Variants in NFASC observed in about 807,000 individuals in gnomAD.
NFASC encodes the protein neurofascin homolog.
NFASC carries 43 observed loss-of-function variants against 147.5 expected under a neutral mutation model. The ratio of observed to expected loss-of-function variants is 0.29; its 90% CI spans 0.23 to 0.38. The LOEUF (loss-of-function observed/expected upper bound fraction) is 0.38, where lower values mean the gene tolerates loss of function less well. Among genes scored for constraint, NFASC ranks in the 10% least tolerant of loss-of-function variants. The pLI is 1.00. For synonymous variants in NFASC, 622 were observed against 665.5 expected (o/e 0.93, Z 1.01); for missense variants, 1,320 against 1,689.0 (o/e 0.78, Z 3.83).
Position 204,969,299 on chromosome 1 carries a change from C to T in NFASC, c.1003+317C>T, listed in dbSNP as rs374750990. Among the ~76,000 whole-genome samples, 68 of 152,202 alleles carry T rather than the reference C, an allele frequency of 4.5e-4. 2 individuals are homozygous for T. The South Asian group carries it at 0.013, about 30-fold the overall frequency. ...CATTCCCAGAGCCTTTTTTTCCTTTCGTTTTGCATTCCCGTTTGTGATGTG... is the reference window on the plus strand; with the variant it reads ...CATTCCCAGAGCCTTTTTTTCCTTTTGTTTTGCATTCCCGTTTGTGATGTG... On this transcript the variant is annotated intron_variant, in intron 10 of 29. Coordinates refer to ENST00000339876, the MANE Select transcript of NFASC (RefSeq NM_001005388.3).
At chr1:204,989,552 CGAG>C (rs1164397192) in intron 23 of NFASC, 3 of 152,122 alleles carry the variant, frequency 2.0e-5, no homozygotes, top group Non-Finnish European at 4.4e-5. Context: ...TGGGACCTCT[CGAG>C]GAGGCAAGGC....
intron 1 of NFASC, among the ~76,000 whole-genome samples, chr1:204,904,708 A>T (rs2085402768): frequency 6.6e-6 from 1 of 152,198 alleles, no homozygotes; most frequent in African/African-American, 2.4e-5. Flanking sequence ...TAGATAATCT[A>T]GGTTTCCTTT....
chr1:204,975,122 C>A lies in NFASC; in HGVS notation c.1559-149C>A. The A allele has an allele frequency of 1.2e-6, 1 of 860,536 alleles. No homozygotes were observed. Among genetic ancestry groups the A allele is most frequent in the Non-Finnish European group, 1.8e-6 (1 of 565,512 alleles). 53.3% of individuals were successfully genotyped at this position (860,536 alleles called of 1,614,324 possible). A position where few individuals can be genotyped will look rare whatever the true frequency, so the allele number is the denominator to read the frequency against. On this transcript the variant is annotated intron_variant, in intron 14 of 29. Transcript: ENST00000339876. The surrounding 1 kb of genome is among the most constrained non-coding windows in gnomAD (Gnocchi z 4.0). ...TGCTTTGGGGATTACCCACCCAGAA[C>A]TCTGCTCCGTTCATACCATAGCATA...
intron 1 of NFASC, among the ~76,000 whole-genome samples, chr1:204,840,956 C>T (rs1038669896): frequency 2.0e-5 from 3 of 152,144 alleles, no homozygotes; most frequent in Middle Eastern, 3.2e-3. Flanking sequence ...TTTAAGTAAT[C>T]GTAGAGAAGT....
At chr1:205,009,119 G>T (rs1411119768) in intron 27 of NFASC, 1 of 276,662 alleles carries the variant, frequency 3.6e-6, no homozygotes, top group Non-Finnish European at 7.1e-6. Flanking sequence ...CGTGGCCACG[G>T]CCTGCACTCC....
chr1:204,993,740 C>A (rs762773583), intron 24 of NFASC: 4 of 515,940 alleles, frequency 7.8e-6, no homozygotes, highest in South Asian at 4.2e-5. Context: ...GCTCCTATTG[C>A]GGCAGGAAAT....
Position 204,926,320 on chromosome 1 carries a change from A to G in NFASC, c.-91+5580A>G, listed in dbSNP as rs139441343. Among the ~76,000 whole-genome samples the G allele has an allele frequency of 1.0e-4, 15 of 147,582 alleles. No individual in the cohort carries two copies. In the East Asian group the frequency reaches 3.0e-3, roughly 30 times the overall value. ...GTAAATTTATCCATTTTCCTTTTCAAAGTATCACAGTTTTTTTTCTAACAA... is the reference window on the plus strand; with the variant it reads ...GTAAATTTATCCATTTTCCTTTTCAGAGTATCACAGTTTTTTTTCTAACAA... On this transcript the variant is annotated intron_variant, in intron 2 of 29. Transcript: ENST00000339876.
intron 27 of NFASC, among the ~76,000 whole-genome samples, chr1:205,005,463 ACGAGAGGATGCTGTT>A (rs1459086392): frequency 6.6e-6 from 1 of 152,174 alleles, no homozygotes; most frequent in African/African-American, 2.4e-5. Flanking sequence ...TGGGGGCCGG[ACGAGAGGATGCTGTT>A]CTGGCTCCCG....
intron 1 of NFASC, among the ~76,000 whole-genome samples, chr1:204,845,112 G>C (rs1036637373): frequency 2.6e-5 from 4 of 152,092 alleles, no homozygotes; most frequent in Non-Finnish European, 4.4e-5. Flanking sequence ...GTGTTTTACT[G>C]TCCACTCTTT....
At position 204,979,628 on chromosome 1, in the gene NFASC, C is replaced by G. The variant is rs567013140; in HGVS notation, c.2176+69C>G. On this transcript the variant is annotated intron_variant, in intron 19 of 29. Transcript: ENST00000339876. The surrounding 1 kb of genome is among the most constrained non-coding windows in gnomAD (Gnocchi z 6.0). ...CCCCAAACTCACACTGAGATCCCCC[C>G]ATTCCCAGCCATGTGAACTTAGGTT... The G allele has an allele frequency of 3.0e-4, 427 of 1,411,190 alleles. 9 individuals carry two copies. In the East Asian group the frequency reaches 6.9e-3, roughly 23 times the overall value. 87.4% of individuals were successfully genotyped at this position (1,411,190 alleles called of 1,614,324 possible).
chr1:204,947,172 C>G (rs947827377), intron 3 of NFASC: 1 of 223,242 alleles, frequency 4.5e-6, no homozygotes, highest in Non-Finnish European at 9.2e-6. Context: ...TGGTCTGAGC[C>G]CATAAAGACT....
chr1:205,000,937 T>TC, intron 25 of NFASC: 2 of 574,260 alleles, frequency 3.5e-6, no homozygotes, highest in Non-Finnish European at 6.3e-6. Flanking sequence ...TACCTGCTTG[T>TC]CCCTGGACAG....
At chr1:204,849,604 G>C (rs1179897409) in intron 1 of NFASC, among the ~76,000 whole-genome samples, 1 of 152,158 alleles carries the variant, frequency 6.6e-6, no homozygotes, top group Admixed American at 6.5e-5. Context: ...TTGCAAGTGG[G>C]GGCCTGAGGG....
intron 2 of NFASC, among the ~76,000 whole-genome samples, chr1:204,924,282 G>A (rs189810027): frequency 8.5e-5 from 13 of 152,320 alleles, no homozygotes; most frequent in South Asian, 6.2e-4. Context: ...GGATGTAAAT[G>A]CAGAAGGCTG....
At position 205,015,744 on chromosome 1, in the gene NFASC, A is replaced by G. The variant is rs145912206; in HGVS notation, c.3492-564A>G. On this transcript the variant is annotated intron_variant, in intron 29 of 29. Transcript: ENST00000339876. This position sits in a 1 kb window ranked among gnomAD's most constrained non-coding sequence, Gnocchi z 4.0. ...TAACATCTTTTTATAGATCAACCAG[A>G]TAGCTCAGCGAAAGACACCAAGACA... 3.1e-3 allele frequency among the ~76,000 whole-genome samples: 474 copies of G among 152,154 alleles called. 2 individuals are homozygous for G. Among genetic ancestry groups the G allele is most frequent in the African/African-American group, 0.011 (453 of 41,518 alleles).
chr1:204,973,213 C>T (rs2095309930), intron 11 of NFASC, 63 bp from the exon 12 acceptor site: 4 of 1,585,298 alleles, frequency 2.5e-6, no homozygotes, highest in East Asian at 2.2e-5. Context: ...TGGCCAGAGC[C>T]CCAAGTGCCC....
intron 1 of NFASC, among the ~76,000 whole-genome samples, chr1:204,907,515 A>G (rs1252166792): frequency 6.6e-6 from 1 of 152,182 alleles, no homozygotes. Flanking sequence ...CTTCAGATGC[A>G]TGTTCGACCC....
rs563023579 is a variant in NFASC, at chr1:204,971,066, T to A, written c.1135+319T>A. 3.3e-5 allele frequency among the ~76,000 whole-genome samples: 5 copies of A among 152,276 alleles called. No individual in the cohort carries two copies. In the East Asian group the frequency reaches 9.6e-4, roughly 29 times the overall value. On this transcript the variant is annotated intron_variant, in intron 11 of 29. Transcript: ENST00000339876. Reference sequence around the variant, plus strand: ...AGAGCCCAGTTGATGGCCTGGGGACTGTGGCTGCATCTCTGGGTGGTTGGG... The same window carrying A: ...AGAGCCCAGTTGATGGCCTGGGGACAGTGGCTGCATCTCTGGGTGGTTGGG...
Position 204,974,247 on chromosome 1 carries a change from C to A in NFASC, c.1348C>A (p.Leu450Met). 4 of 1,614,184 alleles carry A rather than the reference C, an allele frequency of 2.5e-6. No homozygotes were observed. Among genetic ancestry groups the A allele is most frequent in the Non-Finnish European group, 3.4e-6 (4 of 1,180,024 alleles). The change falls in exon 13 of 30, where the codon CTG becomes ATG. Residue 450 changes from leucine to methionine, a missense_variant. By Grantham distance (15) the Leu-to-Met change is conservative (BLOSUM62 2). Coordinates refer to ENST00000339876, the MANE Select transcript of NFASC (RefSeq NM_001005388.3). ...AGTGATTCTTTACAACCGGACGCGG[C>A]TGGACTGCCCTTTCTTTGGGTCTCC... ...IRVILYNRTR[L>M]DCPFFGSPIP...
Sources: gnomAD v4.1 joint callset for allele counts (sites outside exome capture counted in the v4.1 genomes callset) on GRCh38, gnomAD v4.1.1 for gene constraint, Gnocchi (gnomAD v3.1) non-coding constraint, MANE v1.5 for transcripts, NCBI Gene and HGNC (gene_info 2026-07-23, HGNC 2026-07-21) for gene names.